Variants in MAP3K19 observed in about 807,000 individuals in gnomAD.
MAP3K19 encodes the protein SPS1/STE20-related protein kinase YSK4.
In MAP3K19, 91 loss-of-function variants were observed where a neutral mutation model predicts 114.4. The observed-to-expected ratio is 0.80, with a 90% CI of 0.67 to 0.95. The LOEUF (loss-of-function observed/expected upper bound fraction) is 0.95. Ranked by LOEUF, MAP3K19 falls within the 40% of genes least tolerant of loss-of-function variation. MAP3K19 has a pLI of 0.00. For synonymous variants in MAP3K19, 518 were observed against 530.5 expected, an observed-to-expected ratio of 0.98 and a Z score of 0.32; for missense variants, 1,471 against 1,573.2, an observed-to-expected ratio of 0.94 and a Z score of 1.10.
At chr2:135,025,183 G>A (rs971194142) in intron 3 of MAP3K19, among the ~76,000 whole-genome samples, 3 of 151,032 alleles carry the variant, frequency 2.0e-5, no homozygotes, top group South Asian at 2.1e-4. Context: ...CAATAATTAA[G>A]CTAACTGCTG....
At chr2:135,009,056 A>G (rs905670513) in intron 5 of MAP3K19, among the ~76,000 whole-genome samples, 2 of 151,466 alleles carry the variant, frequency 1.3e-5, no homozygotes, top group African/African-American at 4.9e-5. Flanking sequence ...GGTTCAAGCG[A>G]TTCTCCTGCC....
intron 3 of MAP3K19, among the ~76,000 whole-genome samples, chr2:135,027,064 A>G (rs1688271654): frequency 1.3e-5 from 2 of 152,130 alleles, no homozygotes; most frequent in African/African-American, 4.8e-5. Flanking sequence ...TGGGCAATAT[A>G]GTGGGACTCC....
chr2:134,983,881 G>C, intron 10 of MAP3K19, 56 bp from the exon 11 acceptor site: 1 of 1,236,794 alleles, frequency 8.1e-7, no homozygotes, highest in South Asian at 1.5e-5. Flanking sequence ...CTGGGATGGA[G>C]AGAAAGGGGT....
At chr2:135,021,199 C>A (rs1177171177) in intron 5 of MAP3K19, among the ~76,000 whole-genome samples, 2 of 151,878 alleles carry the variant, frequency 1.3e-5, no homozygotes, top group Non-Finnish European at 2.9e-5. Flanking sequence ...GGAGGTAGGG[C>A]CTTTGGGAGG....
At chr2:134,980,213 CTTTGA>C (rs959516173) in intron 12 of MAP3K19, among the ~76,000 whole-genome samples, 6 of 152,172 alleles carry the variant, frequency 3.9e-5, no homozygotes, top group East Asian at 3.8e-4. Context: ...TTATTTTATT[CTTTGA>C]TTTAAGATTT....
intron 10 of MAP3K19, 82 bp downstream of exon 10, chr2:134,985,718 C>A: frequency 8.3e-7 from 1 of 1,212,100 alleles, no homozygotes; most frequent in East Asian, 2.4e-5. Flanking sequence ...TATAATTCCT[C>A]ATTTGAAAAT....
Position 134,988,239 on chromosome 2 carries a change from T to A in MAP3K19, c.633A>T (p.Pro211=). The A allele has an allele frequency of 6.4e-7, 1 of 1,569,242 alleles. No individual in the cohort carries two copies. The highest frequency in any genetic ancestry group is 8.6e-7 in the Non-Finnish European group (1 of 1,163,726). ...CAGATCGCGTGGGCAAGAGTGACAG[T>A]GGTGGCAGAAGGAACTAAAAGGAAG... ...SGRSIKFLLP[P]LSLLPTRSGV... The change falls in exon 10 of 13, where the codon CCA becomes CCT. Residue 211 remains proline, a synonymous_variant. Transcript: ENST00000392915.
At chr2:135,026,373 T>C (rs2104778350) in intron 3 of MAP3K19, among the ~76,000 whole-genome samples, 1 of 152,344 alleles carries the variant, frequency 6.6e-6, no homozygotes, top group Non-Finnish European at 1.5e-5. Flanking sequence ...CTTTTATCAA[T>C]TGGCCAAACT....
chr2:134,985,688 CTATT>C (rs1438291625), intron 10 of MAP3K19, 108 bp downstream of exon 10: 2 of 977,502 alleles, frequency 2.0e-6, no homozygotes, highest in Admixed American at 3.2e-5. Context: ...CTTGAAAAAA[CTATT>C]TAATTGTTTA....
intron 12 of MAP3K19, among the ~76,000 whole-genome samples, chr2:134,980,393 C>A (rs1341103810): frequency 6.6e-6 from 1 of 151,042 alleles, no homozygotes; most frequent in Non-Finnish European, 1.5e-5. Context: ...TTCCGATTCA[C>A]CAAATACTCC....
At chr2:135,016,651 T>C (rs1687603176) in intron 5 of MAP3K19, among the ~76,000 whole-genome samples, 2 of 152,148 alleles carry the variant, frequency 1.3e-5, no homozygotes, top group Admixed American at 6.5e-5. Context: ...TGTTACATCA[T>C]TCTATTTATT....
Position 134,999,013 on chromosome 2 carries a change from A to T in MAP3K19, c.315-16T>A, listed in dbSNP as rs1222147759. Reference sequence around the variant, plus strand: ...GTTTATCAGACTAAAGGGGGAGGGAAATGTTTGATTTAAAACTCAGTTGCC... The same window carrying T: ...GTTTATCAGACTAAAGGGGGAGGGATATGTTTGATTTAAAACTCAGTTGCC... On this transcript the variant is annotated splice_polypyrimidine_tract_variant and intron_variant, in intron 7 of 12. Transcript: ENST00000392915. The surrounding 1 kb of genome is among the most constrained non-coding windows in gnomAD (Gnocchi z 4.1). 6.2e-7 allele frequency: 1 copy of T among 1,602,254 alleles called. No homozygotes were observed. Among genetic ancestry groups the T allele is most frequent in the South Asian group, 1.1e-5 (1 of 89,020 alleles).
In MAP3K19 at chr2:134,967,927, T is replaced by C. The variant is rs945430778; in HGVS notation, c.3921-3011A>G. ...CGCAGAGGGGGATTTGGCAGGGTCATAGGACAATAGTGGAGGGAAGGTCAG... is the reference window on the plus strand; with the variant it reads ...CGCAGAGGGGGATTTGGCAGGGTCACAGGACAATAGTGGAGGGAAGGTCAG... On this transcript the variant is annotated intron_variant, in intron 12 of 12. Coordinates refer to ENST00000392915, the MANE Select transcript of MAP3K19 (RefSeq NM_025052.5). Among the ~76,000 whole-genome samples, 11 of 151,816 alleles carry C rather than the reference T, an allele frequency of 7.2e-5. No individual in the cohort carries two copies. The South Asian group carries it at 1.0e-3, about 14-fold the overall frequency.
chr2:135,042,195 G>A (rs1240707392), intron 1 of MAP3K19, among the ~76,000 whole-genome samples: 1 of 152,196 alleles, frequency 6.6e-6, no homozygotes, highest in Admixed American at 6.5e-5. Context: ...ATGTGATCTG[G>A]AAGATCCCCT....
intron 5 of MAP3K19, among the ~76,000 whole-genome samples, chr2:135,015,709 A>G (rs1195367778): frequency 1.3e-5 from 2 of 152,064 alleles, no homozygotes; most frequent in Admixed American, 6.6e-5. Context: ...CCTGGCCAAC[A>G]TAGTGAAACC....
intron 5 of MAP3K19, among the ~76,000 whole-genome samples, chr2:135,012,805 C>T (rs1687322118): frequency 6.6e-6 from 1 of 152,186 alleles, no homozygotes; most frequent in Non-Finnish European, 1.5e-5. Context: ...CATTTACCTT[C>T]TTTGCTGTTA....
intron 5 of MAP3K19, among the ~76,000 whole-genome samples, chr2:135,006,685 C>T (rs1686835883): frequency 1.3e-5 from 2 of 151,906 alleles, no homozygotes; most frequent in Non-Finnish European, 1.5e-5. Context: ...TGGCACACCC[C>T]TGTTGTCCCA....
chr2:135,007,636 A>G (rs1686925941), intron 5 of MAP3K19, among the ~76,000 whole-genome samples: 2 of 150,078 alleles, frequency 1.3e-5, no homozygotes, highest in South Asian at 4.2e-4. Context: ...CACTACCCTT[A>G]TTAATACTTT....
At chr2:135,028,579 A>T (rs988529024) in intron 3 of MAP3K19, among the ~76,000 whole-genome samples, 1 of 152,000 alleles carries the variant, frequency 6.6e-6, no homozygotes, top group Non-Finnish European at 1.5e-5. Context: ...AAAAAATTTA[A>T]AAAAAACAAC....
Sources: gnomAD v4.1 joint callset for allele counts (sites outside exome capture counted in the v4.1 genomes callset) on GRCh38, gnomAD v4.1.1 for gene constraint, Gnocchi (gnomAD v3.1) non-coding constraint, MANE v1.5 for transcripts, NCBI Gene and HGNC (gene_info 2026-07-23, HGNC 2026-07-21) for gene names.